FGF13: variants seen among roughly 807,000 people sequenced by gnomAD.
FGF13 encodes fibroblast growth factor homologous factor 2.
FGF13 carries 2 observed loss-of-function variants against 19.5 expected under a neutral mutation model. The ratio of observed to expected loss-of-function variants is 0.10; its 90% CI spans 0.04 to 0.32. The LOEUF is 0.32. Among genes scored for constraint, FGF13 ranks in the 10% least tolerant of loss-of-function variants. The pLI is 1.00. For synonymous variants in FGF13, 72 were observed against 76.9 expected (o/e 0.94, Z 0.33); for missense variants, 113 against 192.7 (o/e 0.59, Z 2.45).
chrX:138,825,449 T>G (rs2124075068), intron 3 of FGF13, among the ~76,000 whole-genome samples: 1 of 112,251 alleles, frequency 8.9e-6, no homozygotes, highest in Non-Finnish European at 1.9e-5. Flanking sequence ...TACATAAAAA[T>G]AACTCAGTGC....
intron 1 of FGF13, among the ~76,000 whole-genome samples, chrX:138,921,150 T>C (rs1431798973): frequency 8.9e-6 from 1 of 111,945 alleles, no homozygotes; most frequent in Non-Finnish European, 1.9e-5. Flanking sequence ...AAAAATTAGC[T>C]AATATTTACC....
At chrX:138,717,600 TTTG>T (rs761968816) in intron 1 of FGF13, among the ~76,000 whole-genome samples, 44 of 110,143 alleles carry the variant, frequency 4.0e-4, no homozygotes, top group African/African-American at 1.2e-3. Context: ...TGCTAGTGTT[TTTG>T]TTGTTGTTGT....
intron 3 of FGF13, among the ~76,000 whole-genome samples, chrX:138,767,917 T>G (rs1023631099): frequency 8.9e-6 from 1 of 112,544 alleles, no homozygotes; most frequent in Non-Finnish European, 1.9e-5. Flanking sequence ...AAGTGTTGTC[T>G]GTTCCGCCAC....
intron 1 of FGF13, among the ~76,000 whole-genome samples, chrX:139,081,252 A>C (rs2083368584): frequency 9.0e-6 from 1 of 111,466 alleles, no homozygotes; most frequent in South Asian, 3.8e-4. Flanking sequence ...AACTCTCTGC[A>C]GCATTCATAG....
intron 1 of FGF13, among the ~76,000 whole-genome samples, chrX:139,033,350 T>C (rs7884030): frequency 0.15 from 17,085 of 111,566 alleles, 1,111 homozygotes; most frequent in African/African-American, 0.25. Context: ...AGTTCACACT[T>C]ATTCCATCCA....
intron 1 of FGF13, among the ~76,000 whole-genome samples, chrX:138,999,644 C>G (rs1328587383): frequency 9.0e-6 from 1 of 111,545 alleles, no homozygotes; most frequent in Admixed American, 9.5e-5. Context: ...AGGAAGAAGT[C>G]AAATCTCTGA....
intron 1 of FGF13, among the ~76,000 whole-genome samples, chrX:138,875,271 G>A (rs1475656433): frequency 1.8e-5 from 2 of 109,145 alleles, no homozygotes; most frequent in African/African-American, 6.7e-5. Context: ...GAAAGAAAGT[G>A]CAGCTTACTT....
intron 1 of FGF13, among the ~76,000 whole-genome samples, chrX:138,922,280 A>G (rs1450097814): frequency 1.2e-4 from 13 of 111,853 alleles, no homozygotes; most frequent in African/African-American, 4.2e-4. Flanking sequence ...GCAGAATTTG[A>G]ATGTCTTCAT....
chrX:138,616,906 GA>G lies in FGF13; in HGVS notation c.*15943del, dbSNP rs1029824335. 1 of 111,989 alleles carries G rather than the reference GA, an allele frequency of 8.9e-6. No homozygotes were observed. The highest frequency in any genetic ancestry group is 3.2e-5 in the African/African-American group (1 of 30,800). 9.2% of individuals were successfully genotyped at this position (111,989 alleles called of 1,213,427 possible). A position where few individuals can be genotyped will look rare whatever the true frequency, so the allele number is the denominator to read the frequency against. ...ATGTTGGCCCCTTTTAGCCACAGCT[GA>G]AGCTGAAGCAGCTGGGGACGCAGGG... On this transcript the variant is annotated 3_prime_UTR_variant, in exon 5 of 5. Coordinates refer to ENST00000315930, the MANE Select transcript of FGF13 (RefSeq NM_004114.5).
Position 138,628,162 on chromosome X carries a change from T to C in FGF13, c.*4688A>G, listed in dbSNP as rs573017877. 1.8e-5 allele frequency: 2 copies of C among 111,974 alleles called. No homozygotes were observed. The highest frequency in any genetic ancestry group is 1.9e-4 in the Admixed American group (2 of 10,521). The allele number at this position is 111,974 out of a possible 1,213,427, so 9.2% of individuals were successfully genotyped here. A position where few individuals can be genotyped will look rare whatever the true frequency, so the allele number is the denominator to read the frequency against. On this transcript the variant is annotated 3_prime_UTR_variant, in exon 5 of 5. Coordinates refer to ENST00000315930, the MANE Select transcript of FGF13 (RefSeq NM_004114.5). The stretch of plus-strand genomic sequence containing the variant: ...AAAGAGCAGTCCAGAATTAGAGACA[T>C]GTTCTTTTCAGTATACTATTACTTG...
At chrX:138,651,393 C>A (rs747244420) in intron 3 of FGF13, among the ~76,000 whole-genome samples, 1 of 112,175 alleles carries the variant, frequency 8.9e-6, no homozygotes, top group Non-Finnish European at 1.9e-5. Context: ...TCAGACTACA[C>A]ATTTGTTTTC....
intron 1 of FGF13, among the ~76,000 whole-genome samples, chrX:139,155,974 C>T (rs368546373): frequency 6.3e-5 from 7 of 111,931 alleles, no homozygotes; most frequent in African/African-American, 1.9e-4. Flanking sequence ...AGCCACAGCT[C>T]GGGGCTGTTT....
intron 1 of FGF13, among the ~76,000 whole-genome samples, chrX:139,115,066 G>A (rs938369840): frequency 1.8e-5 from 2 of 111,732 alleles, no homozygotes; most frequent in Non-Finnish European, 3.8e-5. Flanking sequence ...GGAGAAGTAA[G>A]GTAGTGGTAT....
intron 1 of FGF13, among the ~76,000 whole-genome samples, chrX:138,956,803 T>G (rs2091843445): frequency 1.8e-5 from 2 of 111,673 alleles, no homozygotes; most frequent in Admixed American, 1.9e-4. Context: ...TGTAGGGTTG[T>G]CCAAGCACTG....
chrX:138,920,704 A>G (rs763728401), intron 1 of FGF13, among the ~76,000 whole-genome samples: 31 of 111,554 alleles, frequency 2.8e-4, no homozygotes, highest in Admixed American at 8.6e-4. Context: ...CTAGTGTTCA[A>G]TGTTGTAATG....
At chrX:138,753,698 C>T (rs1009074225) in intron 3 of FGF13, among the ~76,000 whole-genome samples, 23 of 111,900 alleles carry the variant, frequency 2.1e-4, no homozygotes, top group African/African-American at 7.1e-4. Context: ...CCAAGAGGAA[C>T]TCTCAGTGGT....
intron 3 of FGF13, among the ~76,000 whole-genome samples, chrX:138,828,788 C>A (rs1393982562): frequency 1.8e-5 from 2 of 109,846 alleles, no homozygotes; most frequent in African/African-American, 6.6e-5. Flanking sequence ...CCCTCCCCCG[C>A]CATCTGCTTT....
At chrX:139,144,079 C>T (rs187341844) in intron 1 of FGF13, among the ~76,000 whole-genome samples, 5 of 111,417 alleles carry the variant, frequency 4.5e-5, no homozygotes, top group African/African-American at 1.3e-4. Flanking sequence ...CAGGGTGCAG[C>T]ACTCCCCTCC....
chrX:138,804,277 C>A (rs1294182883), intron 3 of FGF13, among the ~76,000 whole-genome samples: 1 of 112,126 alleles, frequency 8.9e-6, no homozygotes, highest in African/African-American at 3.2e-5. Context: ...CTTATCAGAA[C>A]CATTCACTTT....
Sources: allele counts gnomAD v4.1 joint callset (sites outside exome capture counted in the v4.1 genomes callset), GRCh38; gene constraint gnomAD v4.1.1; transcripts MANE v1.5; gene names NCBI Gene and HGNC (gene_info 2026-07-23, HGNC 2026-07-21).